Variants in CACNA1H observed in about 807,000 individuals in gnomAD.
CACNA1H encodes the protein voltage-dependent T-type calcium channel subunit alpha-1H.
Under a neutral mutation model 192.5 loss-of-function variants are expected in CACNA1H, and 149 were observed. That is an observed-to-expected ratio of 0.77 (90% confidence interval 0.68 to 0.89). The LOEUF is 0.89. Ranked by LOEUF, CACNA1H falls within the 40% of genes least tolerant of loss-of-function variation. The pLI, the probability that CACNA1H is intolerant of heterozygous loss-of-function variation, is 0.00. For missense variants in CACNA1H, 4,257 were observed against 3,423.5 expected (o/e 1.24, Z -6.08); for synonymous variants, 2,202 against 1,475.2 (o/e 1.49, Z -11.29).
intron 2 of CACNA1H, among the ~76,000 whole-genome samples, chr16:1,177,990 GC>G (rs1200655583): frequency 1.2e-5 from 1 of 84,130 alleles, no homozygotes; most frequent in Admixed American, 1.2e-4. Context: ...GGTCTCTCCC[GC>G]CCCCTCTCCC....
rs540617602 is a variant in CACNA1H, at chr16:1,184,978, C to T, written c.300-9994C>T. 8.5e-5 allele frequency among the ~76,000 whole-genome samples: 13 copies of T among 152,286 alleles called. No homozygotes were observed. In the South Asian group the frequency reaches 1.9e-3, roughly 22 times the overall value. ...GACCTTCGTGTTGTTGAACCATCACCTCTGCCTAGTTCTGGAATGTTTCCC... is the reference window on the plus strand; with the variant it reads ...GACCTTCGTGTTGTTGAACCATCACTTCTGCCTAGTTCTGGAATGTTTCCC... On this transcript the variant is annotated intron_variant, in intron 2 of 34. Transcript: ENST00000348261.
intron 2 of CACNA1H, among the ~76,000 whole-genome samples, chr16:1,184,135 G>A (rs1455162980): frequency 6.6e-6 from 1 of 152,192 alleles, no homozygotes; most frequent in African/African-American, 2.4e-5. Context: ...CTAGACCCCA[G>A]GGCATCACTC....
At position 1,202,336 on chromosome 16, in the gene CACNA1H, G is replaced by T. The variant is rs1384436081; in HGVS notation, c.1886G>T (p.Ser629Ile). ...GTGGGCAGCGGCAAAGGCAGCACCA[G>T]CCCCGGACCCAAGGGGAAGTGGGCC... is the stretch of plus-strand genomic sequence containing the variant. ...SGVGSGKGST[S>I]PGPKGKWAGG... is the part of the protein sequence containing the mutation. The change falls in exon 9 of 35, where the codon AGC becomes ATC. Residue 629 changes from serine to isoleucine, a missense_variant. Ser to Ile is a moderately radical substitution (Grantham distance 142). Transcript: ENST00000348261. The T allele has an allele frequency of 2.5e-6, 4 of 1,576,312 alleles. No homozygotes were observed. Among genetic ancestry groups the T allele is most frequent in the African/African-American group, 1.3e-5 (1 of 74,214 alleles).
rs554467656 is a variant in CACNA1H, at chr16:1,196,579, T to C, written c.643+556T>C. The stretch of plus-strand genomic sequence containing the variant: ...CCACCTAAGGAAAGGGGAAGTTGGC[T>C]GGCCAGGGCTGGGCCTCCGTGTCCC... On this transcript the variant is annotated intron_variant, in intron 5 of 34. Coordinates refer to ENST00000348261, the MANE Select transcript of CACNA1H (RefSeq NM_021098.3). Among the ~76,000 whole-genome samples the C allele has an allele frequency of 3.3e-5, 5 of 152,332 alleles. No individual in the cohort carries two copies. In the South Asian group the frequency reaches 6.2e-4, roughly 19 times the overall value.
rs1376606232 is a variant in CACNA1H, at chr16:1,209,063, G to A, written c.3395G>A (p.Trp1132Ter). The change falls in exon 17 of 35, where the codon TGG becomes TAG. Residue 1132 changes from tryptophan to a stop codon, truncating the protein, a stop_gained. Transcript: ENST00000348261. LOFTEE classifies it high-confidence loss of function. ...ASLRSSPCAP[W>*]GPSGAWSSRR... ...CTCCGAAGTTCTCCCTGTGCCCCCT[G>A]GGGCCCCAGTGGCGCCTGGAGCAGC... The A allele has an allele frequency of 6.5e-7, 1 of 1,538,338 alleles. No homozygotes were observed. Among genetic ancestry groups the A allele is most frequent in the Non-Finnish European group, 8.7e-7 (1 of 1,147,918 alleles).
chr16:1,196,563 G>A (rs1341031087), intron 5 of CACNA1H, among the ~76,000 whole-genome samples: 2 of 152,236 alleles, frequency 1.3e-5, no homozygotes, highest in Non-Finnish European at 2.9e-5. Context: ...CCCACCTAAG[G>A]AAAGGGGAAG....
chr16:1,193,983 G>A (rs1320312506), intron 2 of CACNA1H, among the ~76,000 whole-genome samples: 2 of 152,134 alleles, frequency 1.3e-5, no homozygotes, highest in South Asian at 2.1e-4. Flanking sequence ...CAGGACCTCC[G>A]CTGTAGTGAG....
At chr16:1,205,292 G>A (rs1968551161) in intron 11 of CACNA1H, 27 bp downstream of exon 11, 1 of 1,581,510 alleles carries the variant, frequency 6.3e-7, no homozygotes, top group Non-Finnish European at 8.6e-7. Flanking sequence ...TCCCCAGGAA[G>A]AGGGGCCCGG....
intron 2 of CACNA1H, among the ~76,000 whole-genome samples, chr16:1,176,510 G>T (rs1964906614): frequency 6.6e-6 from 1 of 152,250 alleles, no homozygotes; most frequent in African/African-American, 2.4e-5. Context: ...GGCTGAGGAG[G>T]CCTGGGGCCA....
At chr16:1,210,269 GGGGCTGAAGTGGAGGCGTGGCCA>G (rs1969270214) in intron 18 of CACNA1H, 78 bp from the exon 19 acceptor site, 8 of 1,256,626 alleles carry the variant, frequency 6.4e-6, no homozygotes, top group East Asian at 5.1e-5. Context: ...CGCAGGGACC[GGGGCTGAAGTGGAGGCGTGGCCA>G]GGGCTGTCCT....
rs763744269 is a variant in CACNA1H, at chr16:1,201,811, G to A, written c.1361G>A (p.Gly454Asp). 1 of 1,587,570 alleles carries A rather than the reference G, an allele frequency of 6.3e-7. No homozygotes were observed. Among genetic ancestry groups the A allele is most frequent in the Admixed American group, 1.8e-5 (1 of 55,890 alleles). The change falls in exon 9 of 35, where the codon GGC becomes GAC. Residue 454 changes from glycine to aspartate, a missense_variant. Gly to Asp is a moderately conservative substitution (Grantham distance 94, BLOSUM62 -1). Coordinates refer to ENST00000348261, the MANE Select transcript of CACNA1H (RefSeq NM_021098.3). Reference sequence around the variant, plus strand: ...ACGCTGGCCAGCTTCTCCGAGCCTGGCAGCTGCTACGAAGAGCTGCTGAAG... The same window carrying A: ...ACGCTGGCCAGCTTCTCCGAGCCTGACAGCTGCTACGAAGAGCTGCTGAAG... The part of the protein sequence containing the change: ...DSTLASFSEP[G>D]SCYEELLKYV...
chr16:1,209,381 A>T lies in CACNA1H; in HGVS notation c.3713A>T (p.Asp1238Val). The T allele has an allele frequency of 6.3e-7, 1 of 1,597,808 alleles. No individual in the cohort carries two copies. Among genetic ancestry groups the T allele is most frequent in the Non-Finnish European group, 8.5e-7 (1 of 1,179,508 alleles). Residue 1238 changes from aspartate to valine, a missense_variant, in exon 17 of 35, where the codon GAT becomes GTT. Asp to Val is a radical substitution (Grantham distance 152). Transcript: ENST00000348261. ...CTGCGCATCGACAGCCACCGTGAGG[A>T]TGCAGCCGAGCTTGACGACGACTCG... ...FFLRIDSHRE[D>V]AAELDDDSED...
chr16:1,159,290 A>T (rs1025428116), intron 2 of CACNA1H, among the ~76,000 whole-genome samples: 1 of 152,182 alleles, frequency 6.6e-6, no homozygotes, highest in African/African-American at 2.4e-5. Context: ...GGCAGAGTCC[A>T]TGAGCCCGGT....
At position 1,218,549 on chromosome 16, in the gene CACNA1H, A is replaced by G. The variant is rs1248362121; in HGVS notation, c.5785A>G (p.Asn1929Asp). Residue 1929 changes from asparagine to aspartate, a missense_variant, in exon 33 of 35, where the codon AAC (asparagine) becomes GAC (aspartate). Asn to Asp is a conservative substitution (Grantham distance 23). Transcript: ENST00000348261. ...CGTGTCCAGGATGCTCTCGCTGCCC[A>G]ACGACAGCTACATGTTCAGGCCCGT... ...VSVSRMLSLPNDSYMFRPVVP... is the reference protein window; with the variant it reads ...VSVSRMLSLPDDSYMFRPVVP... 1 of 1,560,942 alleles carries G rather than the reference A, an allele frequency of 6.4e-7. No individual in the cohort carries two copies. The highest frequency in any genetic ancestry group is 1.2e-5 in the South Asian group (1 of 84,732).
At chr16:1,177,520 T>G (rs1596331716) in intron 2 of CACNA1H, among the ~76,000 whole-genome samples, 1 of 151,410 alleles carries the variant, frequency 6.6e-6, no homozygotes, top group Admixed American at 6.6e-5. Flanking sequence ...GGGCAGAGAG[T>G]GGAACGAGCT....
At chr16:1,199,808 C>T (rs1011933881) in intron 6 of CACNA1H, among the ~76,000 whole-genome samples, 4 of 151,808 alleles carry the variant, frequency 2.6e-5, no homozygotes, top group Admixed American at 6.5e-5. Context: ...CCAGGGCTGC[C>T]TCCTTTCCCT....
chr16:1,221,041 C>T lies in CACNA1H; in HGVS notation c.*47C>T. On this transcript the variant is annotated 3_prime_UTR_variant, in exon 35 of 35. Coordinates refer to ENST00000348261, the MANE Select transcript of CACNA1H (RefSeq NM_021098.3). ...CGGCTTTGGCCCTGGGGTCTGGGGG[C>T]CCCGCTGGGGTGGAGGCCCAGGCAG... is the stretch of plus-strand genomic sequence containing the variant. 2 of 1,453,576 alleles carry T rather than the reference C, an allele frequency of 1.4e-6. No individual in the cohort carries two copies. The highest frequency in any genetic ancestry group is 1.8e-6 in the Non-Finnish European group (2 of 1,090,016). 90.0% of individuals were successfully genotyped at this position (1,453,576 alleles called of 1,614,324 possible). A position where few individuals can be genotyped will look rare whatever the true frequency, so the allele number is the denominator to read the frequency against.
intron 8 of CACNA1H, 40 bp from the exon 9 acceptor site, chr16:1,201,623 C>G: frequency 2.0e-6 from 3 of 1,516,554 alleles, no homozygotes; most frequent in Non-Finnish European, 2.7e-6. Context: ...ATCAGAGACT[C>G]GCTCACTCAC....
chr16:1,200,859 T>G, intron 8 of CACNA1H, 51 bp downstream of exon 8: 2 of 1,272,176 alleles, frequency 1.6e-6, no homozygotes, highest in Non-Finnish European at 1.1e-6. Context: ...GTTAGCTGGC[T>G]GGGGGTGGGG....
Sources: gnomAD v4.1 joint callset for allele counts (sites outside exome capture counted in the v4.1 genomes callset) on GRCh38, gnomAD v4.1.1 for gene constraint, MANE v1.5 for transcripts, NCBI Gene and HGNC (gene_info 2026-07-23, HGNC 2026-07-21) for gene names.